The following ERBB4 variants were observed in gnomAD, a reference collection of about 807,000 sequenced individuals.
The protein encoded by ERBB4 is receptor tyrosine-protein kinase erbB-4.
A neutral mutation model predicts 158.0 loss-of-function variants in ERBB4; 42 were observed. The observed-to-expected ratio is 0.27, with a 90% confidence interval of 0.21 to 0.34. The LOEUF is 0.34. Among genes scored for constraint, ERBB4 ranks in the 10% least tolerant of loss-of-function variants. The probability of loss-of-function intolerance (pLI) is 1.00; values close to 1 mark genes in which losing one functional copy is unlikely to be tolerated. For missense variants in ERBB4, 1,333 were observed against 1,624.1 expected, an observed-to-expected ratio of 0.82 and a Z score of 3.08; for synonymous variants, 583 against 558.7, an observed-to-expected ratio of 1.04 and a Z score of -0.61.
intron 12 of ERBB4, among the ~76,000 whole-genome samples, chr2:211,700,097 T>C (rs878969431): frequency 6.6e-6 from 1 of 152,148 alleles, no homozygotes; most frequent in Non-Finnish European, 1.5e-5. Context: ...TTTTGAAAGG[T>C]AGTGGTACTA....
At chr2:211,889,246 C>A (rs1414980791) in intron 3 of ERBB4, among the ~76,000 whole-genome samples, 2 of 144,766 alleles carry the variant, frequency 1.4e-5, no homozygotes, top group Non-Finnish European at 3.0e-5. Flanking sequence ...TGACCCCTGA[C>A]CCCCGAGCAG....
intron 1 of ERBB4, among the ~76,000 whole-genome samples, chr2:212,225,980 T>G (rs1031150160): frequency 2.6e-5 from 4 of 152,160 alleles, no homozygotes; most frequent in African/African-American, 4.8e-5. Context: ...AATTAATATC[T>G]CAAATCAGTT....
chr2:211,916,593 C>A (rs1297179854), intron 3 of ERBB4, among the ~76,000 whole-genome samples: 1 of 151,960 alleles, frequency 6.6e-6, no homozygotes, highest in South Asian at 2.1e-4. Context: ...TAATCATGGA[C>A]TGGAAAAATA....
chr2:212,153,651 G>C (rs192177292), intron 1 of ERBB4, among the ~76,000 whole-genome samples: 2 of 152,198 alleles, frequency 1.3e-5, no homozygotes, highest in African/African-American at 4.8e-5. Flanking sequence ...CATTGAAAGT[G>C]ATGGCAAAAA....
chr2:211,620,701 C>T (rs2069568251), intron 18 of ERBB4, among the ~76,000 whole-genome samples: 1 of 152,122 alleles, frequency 6.6e-6, no homozygotes, highest in South Asian at 2.1e-4. Flanking sequence ...TTCATTTTCT[C>T]ACTGATGTTA....
intron 16 of ERBB4, among the ~76,000 whole-genome samples, chr2:211,654,469 G>C (rs2071133482): frequency 6.6e-6 from 1 of 152,154 alleles, no homozygotes; most frequent in Non-Finnish European, 1.5e-5. Flanking sequence ...GTATAACATT[G>C]AAATGCTTAA....
intron 1 of ERBB4, among the ~76,000 whole-genome samples, chr2:212,450,965 A>G (rs1230716170): frequency 6.6e-6 from 1 of 152,156 alleles, no homozygotes; most frequent in Non-Finnish European, 1.5e-5. Context: ...ACCTTTACGA[A>G]AAAATAAAAT....
At chr2:211,532,172 G>C (rs2066519496) in intron 20 of ERBB4, among the ~76,000 whole-genome samples, 1 of 151,908 alleles carries the variant, frequency 6.6e-6, no homozygotes, top group Non-Finnish European at 1.5e-5. Flanking sequence ...AGTAGGTATG[G>C]TCAATGGGTA....
At position 212,321,085 on chromosome 2, in the gene ERBB4, G is replaced by A. The variant is rs185395691; in HGVS notation, c.83-196182C>T. Among the ~76,000 whole-genome samples the A allele has an allele frequency of 1.3e-3, 194 of 150,290 alleles. 3 individuals carry two copies. The highest frequency in any genetic ancestry group is 4.5e-3 in the African/African-American group (184 of 41,342). On this transcript the variant is annotated intron_variant, in intron 1 of 27. Coordinates refer to ENST00000342788, the MANE Select transcript of ERBB4 (RefSeq NM_005235.3). ...GATAATCACAGTGGAAAAGGAAACC[G>A]ATGGTAATCATCTACATTAAATAAA...
intron 4 of ERBB4, among the ~76,000 whole-genome samples, chr2:211,762,866 C>T (rs527460155): frequency 8.2e-4 from 125 of 152,270 alleles, no homozygotes; most frequent in African/African-American, 2.6e-3. Flanking sequence ...TCCTGCTGTC[C>T]GTCATCACAA....
intron 1 of ERBB4, among the ~76,000 whole-genome samples, chr2:212,425,857 T>C (rs909472018): frequency 6.6e-6 from 1 of 152,172 alleles, no homozygotes; most frequent in South Asian, 2.1e-4. Context: ...AAAGTTTTTG[T>C]ATTCCTCATT....
chr2:211,578,984 C>T (rs1446611720), intron 19 of ERBB4, among the ~76,000 whole-genome samples: 2 of 151,942 alleles, frequency 1.3e-5, no homozygotes, highest in African/African-American at 4.8e-5. Flanking sequence ...TTCTGCACAG[C>T]CAAAGAAACT....
chr2:211,804,741 G>A (rs2076576113), intron 3 of ERBB4, among the ~76,000 whole-genome samples: 1 of 151,886 alleles, frequency 6.6e-6, no homozygotes, highest in African/African-American at 2.4e-5. Context: ...GGAATTTAAA[G>A]AGACCTGGGC....
chr2:211,575,177 T>C (rs2067852865), intron 19 of ERBB4, among the ~76,000 whole-genome samples: 1 of 152,162 alleles, frequency 6.6e-6, no homozygotes, highest in Non-Finnish European at 1.5e-5. Context: ...GTCAGTTAGG[T>C]AACTAGGTAG....
chr2:212,302,244 G>A (rs187178758), intron 1 of ERBB4, among the ~76,000 whole-genome samples: 1 of 151,502 alleles, frequency 6.6e-6, no homozygotes, highest in African/African-American at 2.4e-5. Context: ...TGGTACACAG[G>A]AAATTGAGAA....
In ERBB4 at chr2:211,750,713, C is replaced by T. The variant is rs750453653; in HGVS notation, c.557-9G>A. 13 of 1,613,276 alleles carry T rather than the reference C, an allele frequency of 8.1e-6. No homozygotes were observed. Among genetic ancestry groups the T allele is most frequent in the African/African-American group, 1.3e-5 (1 of 75,020 alleles). On this transcript the variant is annotated splice_polypyrimidine_tract_variant and intron_variant, in intron 4 of 27. Coordinates refer to ENST00000342788, the MANE Select transcript of ERBB4 (RefSeq NM_005235.3). Reference sequence around the variant, plus strand: ...CTTATGGCAACGTCCACCTGCAGAACACGAAAAGGGAAAAAGGACATGCAC... The same window carrying T: ...CTTATGGCAACGTCCACCTGCAGAATACGAAAAGGGAAAAAGGACATGCAC...
chr2:211,888,529 T>G (rs572217857), intron 3 of ERBB4, among the ~76,000 whole-genome samples: 2 of 152,296 alleles, frequency 1.3e-5, no homozygotes, highest in Admixed American at 1.3e-4. Flanking sequence ...AATATTCATT[T>G]CACGACAGGG....
At chr2:211,640,091 A>G (rs1559372881) in intron 16 of ERBB4, among the ~76,000 whole-genome samples, 1 of 151,936 alleles carries the variant, frequency 6.6e-6, no homozygotes, top group Non-Finnish European at 1.5e-5. Context: ...TCTGTATATA[A>G]AGCATTTTTG....
At chr2:212,221,950 T>A (rs185744523) in intron 1 of ERBB4, among the ~76,000 whole-genome samples, 3 of 151,708 alleles carry the variant, frequency 2.0e-5, no homozygotes, top group Admixed American at 1.3e-4. Flanking sequence ...TTCTTAATTC[T>A]CTTTTTCAAA....
Sources: gnomAD v4.1 joint callset for allele counts (sites outside exome capture counted in the v4.1 genomes callset) on GRCh38, gnomAD v4.1.1 for gene constraint, MANE v1.5 for transcripts, NCBI Gene and HGNC (gene_info 2026-07-23, HGNC 2026-07-21) for gene names.